COL11A1: variants seen among roughly 807,000 people sequenced by gnomAD.
COL11A1 encodes collagen type XI alpha 1 chain, also known as collagen alpha-1(XI) chain.
COL11A1 carries 74 observed loss-of-function variants against 265.2 expected under a neutral mutation model. The observed-to-expected ratio is 0.28, with a 90% confidence interval of 0.23 to 0.34. The LOEUF (loss-of-function observed/expected upper bound fraction) is 0.34. Ranked by LOEUF, COL11A1 falls within the 10% of genes least tolerant of loss-of-function variation. The probability of loss-of-function intolerance (pLI) is 1.00; values close to 1 mark genes in which losing one functional copy is unlikely to be tolerated. For missense variants in COL11A1, 2,165 were observed against 2,263.6 expected, an observed-to-expected ratio of 0.96 and a Z score of 0.88; for synonymous variants, 816 against 727.6, an observed-to-expected ratio of 1.12 and a Z score of -1.96.
intron 42 of COL11A1, among the ~76,000 whole-genome samples, chr1:102,942,990 A>G (rs1331581883): frequency 6.6e-6 from 1 of 152,092 alleles, no homozygotes; most frequent in East Asian, 1.9e-4. Context: ...AAAATCATGA[A>G]CTAAATAAAT....
rs181363327 is a variant in COL11A1, at chr1:103,054,259, A to T, written c.651+20359T>A. Among the ~76,000 whole-genome samples, 99 of 152,360 alleles carry T rather than the reference A, an allele frequency of 6.5e-4. 1 individual carries two copies. The highest frequency in any genetic ancestry group is 2.4e-3 in the African/African-American group (98 of 41,586). On this transcript the variant is annotated intron_variant, in intron 4 of 66. Coordinates refer to ENST00000370096, the MANE Select transcript of COL11A1 (RefSeq NM_001854.4). ...ATTCCAGACAATATTTTCAATAATT[A>T]AAAAGCCACAGCTACATTGCGAAAT... is the stretch of plus-strand genomic sequence containing the variant.
intron 4 of COL11A1, among the ~76,000 whole-genome samples, chr1:103,069,957 G>C (rs1178076532): frequency 6.6e-6 from 1 of 151,746 alleles, no homozygotes; most frequent in Non-Finnish European, 1.5e-5. Context: ...CTGCTGAAGG[G>C]AGTATAAAAT....
chr1:103,008,512 C>T lies in COL11A1; in HGVS notation c.1634G>A (p.Gly545Glu). Residue 545 changes from glycine to glutamate, a missense_variant, in exon 15 of 67, where the codon GGG (glycine) becomes GAG (glutamate). Coordinates refer to ENST00000370096, the MANE Select transcript of COL11A1 (RefSeq NM_001854.4). The part of the protein sequence containing the change: ...GLTGRPGPVG[G>E]PGSSGAKGES... ...ACCTTTGGCCCCAGATGAACCAGGC[C>T]CCCCCTATAGAGAAAAAGTGAAGAT... The T allele has an allele frequency of 1.2e-6, 2 of 1,613,576 alleles. No homozygotes were observed. Among genetic ancestry groups the T allele is most frequent in the Non-Finnish European group, 1.7e-6 (2 of 1,179,706 alleles).
At position 103,022,973 on chromosome 1, in the gene COL11A1, A is replaced by T. The variant is rs771083986; in HGVS notation, c.1014T>A (p.Phe338Leu). 6.2e-7 allele frequency: 1 copy of T among 1,612,814 alleles called. No homozygotes were observed. Among genetic ancestry groups the T allele is most frequent in the African/African-American group, 1.3e-5 (1 of 74,904 alleles). ...CCTCTCCCGTTAGATATTCTTCAGTAAATATTTCTTCAACTGGATTTGGCT... is the reference window on the plus strand; with the variant it reads ...CCTCTCCCGTTAGATATTCTTCAGTTAATATTTCTTCAACTGGATTTGGCT... The part of the protein sequence containing the change: ...TNEPNPVEEI[F>L]TEEYLTGEDY... The change falls in exon 8 of 67, where the codon TTT becomes TTA. Residue 338 changes from phenylalanine to leucine, a missense_variant. By Grantham distance (22) the Phe-to-Leu change is conservative (BLOSUM62 0). Transcript: ENST00000370096.
intron 50 of COL11A1, 43 bp from the exon 51 acceptor site, chr1:102,914,854 G>C (rs1406101639): frequency 2.0e-6 from 3 of 1,469,774 alleles, no homozygotes; most frequent in South Asian, 1.2e-5. Context: ...AAGGAAAGAA[G>C]AGTTATCTTA....
rs113750844 is a variant in COL11A1, at chr1:102,881,348, A to G, written c.5040+349T>C. On this transcript the variant is annotated intron_variant, in intron 65 of 66. Transcript: ENST00000370096. The stretch of plus-strand genomic sequence containing the variant: ...GGAATTAGGTTTCAAGCAGACAGAA[A>G]GTGAAATAATAGGAAGATATTAAGT... 3.4e-3 allele frequency among the ~76,000 whole-genome samples: 515 copies of G among 152,236 alleles called. 4 individuals are homozygous for G. Among genetic ancestry groups the G allele is most frequent in the African/African-American group, 0.011 (476 of 41,574 alleles).
At chr1:102,908,304 A>G (rs1654236388) in intron 54 of COL11A1, among the ~76,000 whole-genome samples, 1 of 152,018 alleles carries the variant, frequency 6.6e-6, no homozygotes, top group Admixed American at 6.6e-5. Flanking sequence ...TGTTTCCTGT[A>G]TGTTACAAAT....
At chr1:102,904,104 C>G (rs539938644) in intron 54 of COL11A1, among the ~76,000 whole-genome samples, 6 of 152,208 alleles carry the variant, frequency 3.9e-5, no homozygotes, top group African/African-American at 1.4e-4. Context: ...CTCAAGTGAT[C>G]CTCTTGCTTC....
chr1:103,003,162 G>C, intron 21 of COL11A1, 53 bp downstream of exon 21: 1 of 1,591,834 alleles, frequency 6.3e-7, no homozygotes, highest in Non-Finnish European at 8.6e-7. Flanking sequence ...GCCTCTAAAA[G>C]GTTGGCAACA....
In COL11A1 at chr1:103,002,772, C is replaced by A. The variant is rs765120248; in HGVS notation, c.2018G>T (p.Gly673Val). 1 of 1,610,926 alleles carries A rather than the reference C, an allele frequency of 6.2e-7. No individual in the cohort carries two copies. The highest frequency in any genetic ancestry group is 8.5e-7 in the Non-Finnish European group (1 of 1,178,334). ...PGQPGMAGVDGPPGPKGNMGP... is the reference protein window; with the variant it reads ...PGQPGMAGVDVPPGPKGNMGP... Reference sequence around the variant, plus strand: ...CATGTTCCCTTTTGGTCCTGGGGGGCCATCTACACCTGCCATACCCTGCAA... The same window carrying A: ...CATGTTCCCTTTTGGTCCTGGGGGGACATCTACACCTGCCATACCCTGCAA... The change falls in exon 22 of 67, where the codon GGC (glycine) becomes GTC (valine). Residue 673 changes from glycine (G) to valine (V), a missense_variant. By Grantham distance (109) the Gly-to-Val change is moderately radical. Transcript: ENST00000370096.
chr1:103,001,869 A>C, intron 24 of COL11A1, 56 bp downstream of exon 24: 1 of 1,530,956 alleles, frequency 6.5e-7, no homozygotes, highest in Non-Finnish European at 9.1e-7. Context: ...TACCTGCCTA[A>C]GATTGCTAAA....
chr1:102,906,325 T>C (rs1295145923), intron 54 of COL11A1, among the ~76,000 whole-genome samples: 1 of 152,212 alleles, frequency 6.6e-6, no homozygotes, highest in Non-Finnish European at 1.5e-5. Context: ...GGTCTCTACT[T>C]TTCAGTGAAA....
At chr1:103,091,250 G>T (rs998226065) in intron 1 of COL11A1, among the ~76,000 whole-genome samples, 1 of 151,802 alleles carries the variant, frequency 6.6e-6, no homozygotes, top group African/African-American at 2.4e-5. Flanking sequence ...TTCATTTATT[G>T]TAAATACATA....
chr1:103,079,015 G>A (rs1379211398), intron 2 of COL11A1, 144 bp from the exon 3 acceptor site: 2 of 645,182 alleles, frequency 3.1e-6, no homozygotes, highest in Middle Eastern at 4.2e-4. Context: ...TAAATAAATA[G>A]GGGTCCTCCA....
chr1:102,896,134 T>A (rs1324251233), intron 57 of COL11A1, among the ~76,000 whole-genome samples: 1 of 151,790 alleles, frequency 6.6e-6, no homozygotes, highest in African/African-American at 2.4e-5. Context: ...ATATCCCAAT[T>A]GAACTCACTT....
At chr1:102,972,961 CAT>C (rs146457381) in intron 36 of COL11A1, among the ~76,000 whole-genome samples, 4 of 151,432 alleles carry the variant, frequency 2.6e-5, no homozygotes, top group African/African-American at 9.7e-5. Flanking sequence ...TATTTAGATC[CAT>C]ATATATATAT....
At chr1:103,074,841 T>G in intron 3 of COL11A1, 61 bp from the exon 4 acceptor site, 2 of 1,571,154 alleles carry the variant, frequency 1.3e-6, no homozygotes, top group Non-Finnish European at 1.7e-6. Context: ...CAAAGCAGTA[T>G]TCACATAAAA....
intron 57 of COL11A1, among the ~76,000 whole-genome samples, chr1:102,893,577 A>T (rs1354266350): frequency 1.3e-5 from 2 of 152,130 alleles, no homozygotes; most frequent in African/African-American, 2.4e-5. Context: ...ACCCCCAGGG[A>T]AATACATAAT....
At chr1:102,914,918 T>A (rs1310401784) in intron 50 of COL11A1, 107 bp from the exon 51 acceptor site, 17 of 903,506 alleles carry the variant, frequency 1.9e-5, no homozygotes, top group South Asian at 1.4e-4. Context: ...GAATATATTT[T>A]TTTTTTAGAC....
Sources: gnomAD v4.1 joint callset for allele counts (sites outside exome capture counted in the v4.1 genomes callset) on GRCh38, gnomAD v4.1.1 for gene constraint, MANE v1.5 for transcripts, NCBI Gene and HGNC (gene_info 2026-07-23, HGNC 2026-07-21) for gene names.